Variants in CNTN4 observed in about 807,000 individuals in gnomAD.
CNTN4 encodes the protein contactin 4.
A neutral mutation model predicts 122.5 loss-of-function variants in CNTN4; 77 were observed. The observed-to-expected ratio is 0.63, with a 90% CI of 0.52 to 0.76. The LOEUF (loss-of-function observed/expected upper bound fraction) is 0.76, where lower values mean the gene tolerates loss of function less well. CNTN4 is among the 30% of genes least tolerant of loss of function. The probability of loss-of-function intolerance (pLI) is 0.00; values close to 1 mark genes in which losing one functional copy is unlikely to be tolerated. For synonymous variants in CNTN4, 512 were observed against 447.0 expected, an observed-to-expected ratio of 1.15 and a Z score of -1.83; for missense variants, 1,256 against 1,259.1, an observed-to-expected ratio of 1.00 and a Z score of 0.04.
At chr3:2,616,157 C>T (rs2081724720) in intron 4 of CNTN4, among the ~76,000 whole-genome samples, 1 of 151,872 alleles carries the variant, frequency 6.6e-6, no homozygotes, top group South Asian at 2.1e-4. Flanking sequence ...CCCCCCATCC[C>T]CCCAACAGGC....
At chr3:2,705,843 A>T (rs1463425610) in intron 4 of CNTN4, among the ~76,000 whole-genome samples, 5 of 102,476 alleles carry the variant, frequency 4.9e-5, no homozygotes, top group Non-Finnish European at 8.6e-5. Context: ...TATAATATAT[A>T]ATATATAATA....
At chr3:2,319,995 C>T (rs564623655) in intron 2 of CNTN4, among the ~76,000 whole-genome samples, 7 of 152,230 alleles carry the variant, frequency 4.6e-5, no homozygotes, top group East Asian at 1.9e-4. Context: ...TTATTACCTC[C>T]GTTTTACTTG....
rs1298351441 is a variant in CNTN4 at position 2,844,654 on chromosome 3, T to C, written c.455-22098T>C. ...GCAAAATTCCACCATTACTCTCTCT[T>C]AATGGAATCAACTACAATTAGAAGT... On this transcript the variant is annotated intron_variant, in intron 7 of 24. Transcript: ENST00000418658. Among the ~76,000 whole-genome samples the C allele has an allele frequency of 3.9e-5, 6 of 152,204 alleles. No individual in the cohort carries two copies. In the South Asian group the frequency reaches 1.2e-3, roughly 31 times the overall value.
At chr3:2,971,344 C>G (rs1692902012) in intron 13 of CNTN4, among the ~76,000 whole-genome samples, 1 of 130,282 alleles carries the variant, frequency 7.7e-6, no homozygotes, top group Non-Finnish European at 1.5e-5. Flanking sequence ...ATCTGTCTGT[C>G]TGTCTGTCTA....
intron 4 of CNTN4, among the ~76,000 whole-genome samples, chr3:2,579,383 G>T (rs2149550277): frequency 6.6e-6 from 1 of 152,298 alleles, no homozygotes; most frequent in African/African-American, 2.4e-5. Flanking sequence ...ACGGGAGCAG[G>T]AACAGTCTGG....
chr3:2,273,178 A>C (rs1194428679), intron 2 of CNTN4, among the ~76,000 whole-genome samples: 2 of 152,190 alleles, frequency 1.3e-5, no homozygotes, highest in Non-Finnish European at 2.9e-5. Flanking sequence ...TGCAGTAAGT[A>C]ATTGTAAACT....
intron 2 of CNTN4, among the ~76,000 whole-genome samples, chr3:2,195,342 A>G (rs1312614505): frequency 1.3e-5 from 2 of 152,194 alleles, no homozygotes; most frequent in East Asian, 3.8e-4. Context: ...ACTTAGCTTG[A>G]TTACATATTG....
chr3:2,179,501 C>T (rs896972682), intron 2 of CNTN4, among the ~76,000 whole-genome samples: 2 of 151,956 alleles, frequency 1.3e-5, no homozygotes, highest in Admixed American at 6.6e-5. Flanking sequence ...GTAGCTATAA[C>T]AAAAAATATT....
chr3:2,763,337 G>T (rs11129288), intron 6 of CNTN4, among the ~76,000 whole-genome samples: 72,011 of 151,922 alleles, frequency 0.47, 18,612 homozygotes, highest in Non-Finnish European at 0.61. Context: ...TTAAAGTGGT[G>T]GTTTTTTCTT....
chr3:2,471,011 C>G (rs1250547957), intron 3 of CNTN4, among the ~76,000 whole-genome samples: 1 of 152,184 alleles, frequency 6.6e-6, no homozygotes, highest in Non-Finnish European at 1.5e-5. Flanking sequence ...ACATAAGACT[C>G]TGTATACATT....
At position 2,476,569 on chromosome 3, in the gene CNTN4, C is replaced by G. The variant is rs564069688; in HGVS notation, c.-88-94847C>G. Among the ~76,000 whole-genome samples the G allele has an allele frequency of 5.3e-5, 8 of 152,188 alleles. No individual in the cohort carries two copies. The South Asian group carries it at 1.7e-3, about 32-fold the overall frequency. On this transcript the variant is annotated intron_variant, in intron 3 of 24. Transcript: ENST00000418658. ...TTTGCTAAGTCAATGAAACCAGATGCGTTGTATGATTCCATTTATATATGT... is the reference window on the plus strand; with the variant it reads ...TTTGCTAAGTCAATGAAACCAGATGGGTTGTATGATTCCATTTATATATGT...
chr3:2,979,441 A>C (rs1693751394), intron 13 of CNTN4, among the ~76,000 whole-genome samples: 1 of 152,212 alleles, frequency 6.6e-6, no homozygotes, highest in Admixed American at 6.5e-5. Flanking sequence ...AGTAGCAGTA[A>C]TTATTTTAAC....
chr3:2,932,085 G>A (rs1383548255), intron 13 of CNTN4, among the ~76,000 whole-genome samples: 6 of 152,076 alleles, frequency 3.9e-5, no homozygotes, highest in Non-Finnish European at 8.8e-5. Flanking sequence ...GGCTTAAACA[G>A]TACAAATTTA....
intron 3 of CNTN4, among the ~76,000 whole-genome samples, chr3:2,438,628 G>C (rs34916599): frequency 0.16 from 23,990 of 152,190 alleles, 2,476 homozygotes; most frequent in Non-Finnish European, 0.23. Flanking sequence ...TTCCTATTCA[G>C]AATTGTTTGC....
At chr3:2,576,058 A>G (rs1336442794) in intron 4 of CNTN4, among the ~76,000 whole-genome samples, 4 of 151,928 alleles carry the variant, frequency 2.6e-5, no homozygotes, top group East Asian at 1.9e-4. Flanking sequence ...GATGGTCTCG[A>G]TCTCCTGACC....
chr3:2,372,917 G>T (rs1018278085), intron 3 of CNTN4, among the ~76,000 whole-genome samples: 1 of 152,008 alleles, frequency 6.6e-6, no homozygotes, highest in African/African-American at 2.4e-5. Context: ...GCATGGTGGC[G>T]TGCACCTGTA....
chr3:3,043,395 A>G (rs1382278041), intron 22 of CNTN4, among the ~76,000 whole-genome samples, 197 bp from the exon 23 acceptor site: 1 of 152,214 alleles, frequency 6.6e-6, no homozygotes, highest in Non-Finnish European at 1.5e-5. Flanking sequence ...TCTTTTAGCT[A>G]TAAATGTTAG....
rs1393731740 is a variant in CNTN4 at position 2,611,307 on chromosome 3, AAAAAAGAAAG to A, written c.55+39753_55+39762del. ...CACAGCACCTGGAACCAAAAAAAAA[AAAAAAGAAAG>A]AAAGAAAGAAACAAAAACAAAAAAC... is the stretch of plus-strand genomic sequence containing the variant. On this transcript the variant is annotated intron_variant, in intron 4 of 24. Coordinates refer to ENST00000418658, the MANE Select transcript of CNTN4 (RefSeq NM_175607.3). 2.7e-4 allele frequency among the ~76,000 whole-genome samples: 40 copies of A among 149,104 alleles called. 2 individuals carry two copies. The highest frequency in any genetic ancestry group is 4.5e-4 in the Non-Finnish European group (30 of 67,164).
chr3:2,718,901 T>A (rs2087664019), intron 4 of CNTN4, among the ~76,000 whole-genome samples: 1 of 152,170 alleles, frequency 6.6e-6, no homozygotes, highest in Non-Finnish European at 1.5e-5. Context: ...CAGGGATTTT[T>A]AACCTGAAAT....
Sources: gnomAD v4.1 joint callset for allele counts (sites outside exome capture counted in the v4.1 genomes callset) on GRCh38, gnomAD v4.1.1 for gene constraint, MANE v1.5 for transcripts, NCBI Gene and HGNC (gene_info 2026-07-23, HGNC 2026-07-21) for gene names.